GNAL: variants seen among roughly 807,000 people sequenced by gnomAD.
GNAL encodes guanine nucleotide-binding protein G(olf) subunit alpha.
Under a neutral mutation model 55.1 loss-of-function variants are expected in GNAL, and 18 were observed. The observed-to-expected ratio is 0.33, with a 90% CI of 0.23 to 0.48. GNAL has a LOEUF of 0.48. Among genes scored for constraint, GNAL ranks in the 20% least tolerant of loss-of-function variants. The probability of loss-of-function intolerance (pLI) is 0.99; values close to 1 mark genes in which losing one functional copy is unlikely to be tolerated. For synonymous variants in GNAL, 253 were observed against 237.0 expected (o/e 1.07, Z -0.62); for missense variants, 412 against 614.1 (o/e 0.67, Z 3.48).
At chr18:11,749,125 CAAAA>C (rs368135476) in intron 1 of GNAL, among the ~76,000 whole-genome samples, 5 of 86,544 alleles carry the variant, frequency 5.8e-5, no homozygotes, top group East Asian at 3.5e-4. Context: ...GACTCCATCT[CAAAA>C]AAAAAAAAAA....
At chr18:11,829,594 T>C (rs1393160546) in intron 5 of GNAL, among the ~76,000 whole-genome samples, 1 of 152,178 alleles carries the variant, frequency 6.6e-6, no homozygotes, top group African/African-American at 2.4e-5. Flanking sequence ...ACAGTCTGAG[T>C]GCAGTCCTCA....
chr18:11,817,522 G>A (rs2034986556), intron 4 of GNAL, among the ~76,000 whole-genome samples: 1 of 152,184 alleles, frequency 6.6e-6, no homozygotes, highest in African/African-American at 2.4e-5. Context: ...TGGCGATCAC[G>A]CTTCTTGCTA....
Position 11,752,198 on chromosome 18 carries a change from TA to T in GNAL, c.377-650del. 1 of 636,344 alleles carries T rather than the reference TA, an allele frequency of 1.6e-6. No homozygotes were observed. The highest frequency in any genetic ancestry group is 2.3e-6 in the Non-Finnish European group (1 of 428,632). The allele number at this position is 636,344 out of a possible 1,614,324, so 39.4% of individuals were successfully genotyped here. The stretch of plus-strand genomic sequence containing the variant: ...AGCAGATTTTGAAACAATTCTCGTG[TA>T]AAAAGGCATTTTACTCCGCGCGTCT... On this transcript the variant is annotated intron_variant, in intron 1 of 11. Transcript: ENST00000334049. The surrounding 1 kb of genome is among the most constrained non-coding windows in gnomAD (Gnocchi z 4.5).
In GNAL at chr18:11,854,790, GA is replaced by G. The variant is rs568877560; in HGVS notation, c.723-7594del. On this transcript the variant is annotated intron_variant, in intron 5 of 11. Coordinates refer to ENST00000334049, the MANE Select transcript of GNAL (RefSeq NM_182978.4). Reference sequence around the variant, plus strand: ...GGATGAAACTCAGTCTCAAAAAAAGGAAAAAAAAAAATTCTGAGGTAGATTT... The same window carrying G: ...GGATGAAACTCAGTCTCAAAAAAAGGAAAAAAAAAATTCTGAGGTAGATTT... Among the ~76,000 whole-genome samples the G allele has an allele frequency of 5.4e-3, 790 of 146,840 alleles. 8 individuals carry two copies. Among genetic ancestry groups the G allele is most frequent in the Non-Finnish European group, 6.8e-3 (449 of 66,216 alleles).
chr18:11,822,731 T>C (rs556714115), intron 4 of GNAL, among the ~76,000 whole-genome samples: 1 of 152,184 alleles, frequency 6.6e-6, no homozygotes, highest in South Asian at 2.1e-4. Context: ...GGTTGGGTAG[T>C]AGGGTGACCA....
At chr18:11,722,674 A>T (rs184099192) in intron 1 of GNAL, among the ~76,000 whole-genome samples, 2 of 152,264 alleles carry the variant, frequency 1.3e-5, no homozygotes, top group East Asian at 3.9e-4. Flanking sequence ...AGTGAGTTCG[A>T]GACCAGCCTA....
At chr18:11,704,555 G>A (rs1430026388) in intron 1 of GNAL, among the ~76,000 whole-genome samples, 1 of 152,154 alleles carries the variant, frequency 6.6e-6, no homozygotes, top group Non-Finnish European at 1.5e-5. Flanking sequence ...AGAGGGAGAG[G>A]AGCTCAGCTA....
At chr18:11,850,852 G>A (rs796197548) in intron 5 of GNAL, among the ~76,000 whole-genome samples, 39 of 152,316 alleles carry the variant, frequency 2.6e-4, no homozygotes, top group African/African-American at 9.4e-4. Context: ...GCAATAAAAG[G>A]ATATTACAGA....
chr18:11,694,505 G>C (rs533875705), intron 1 of GNAL, among the ~76,000 whole-genome samples: 1 of 152,186 alleles, frequency 6.6e-6, no homozygotes, highest in Admixed American at 6.5e-5. Context: ...GAAGCATGCC[G>C]TGGCTGGATT....
At chr18:11,717,675 A>G (rs2032005551) in intron 1 of GNAL, among the ~76,000 whole-genome samples, 1 of 152,218 alleles carries the variant, frequency 6.6e-6, no homozygotes, top group African/African-American at 2.4e-5. Context: ...CATTATCCTT[A>G]GCAAACTAAC....
intron 4 of GNAL, among the ~76,000 whole-genome samples, chr18:11,781,969 A>G (rs951751488): frequency 1.3e-5 from 2 of 152,252 alleles, no homozygotes; most frequent in Non-Finnish European, 2.9e-5. Context: ...AATGGCCACT[A>G]ACAAGACAAT....
chr18:11,690,015 A>AGCGGCGGCGGGCACCGGGGAGCGGCG (rs2031189547), intron 1 of GNAL, 76 bp downstream of exon 1: 1 of 893,932 alleles, frequency 1.1e-6, no homozygotes, highest in African/African-American at 2.0e-5. Context: ...GGCACCGGGG[A>AGCGGCGGCGGGCACCGGGGAGCGGCG]GCGGTGGCGG....
At chr18:11,827,103 C>T (rs9962623) in intron 5 of GNAL, among the ~76,000 whole-genome samples, 46,346 of 151,960 alleles carry the variant, frequency 0.3, 8,463 homozygotes, top group African/African-American at 0.51. Context: ...TTGTACTTAA[C>T]CTCCTTCTTA....
intron 5 of GNAL, among the ~76,000 whole-genome samples, chr18:11,858,649 T>C (rs1157332736): frequency 6.6e-6 from 1 of 152,256 alleles, no homozygotes; most frequent in Non-Finnish European, 1.5e-5. Context: ...TATTATTTAT[T>C]CCTTAGAAAG....
intron 4 of GNAL, among the ~76,000 whole-genome samples, chr18:11,763,376 G>T (rs1342398797): frequency 2.0e-5 from 3 of 152,028 alleles, no homozygotes; most frequent in Non-Finnish European, 4.4e-5. Context: ...CACAGCACAG[G>T]TATCAAAATT....
At chr18:11,880,893 C>A in intron 11 of GNAL, 96 bp from the exon 12 acceptor site, 1 of 1,310,692 alleles carries the variant, frequency 7.6e-7, no homozygotes, top group Non-Finnish European at 1.1e-6. Context: ...AGGCCACTGT[C>A]ACCAAAGCCT....
intron 5 of GNAL, among the ~76,000 whole-genome samples, chr18:11,833,905 G>A (rs1212105186): frequency 6.6e-6 from 1 of 152,174 alleles, no homozygotes; most frequent in East Asian, 1.9e-4. Flanking sequence ...CAAGTCCCCT[G>A]GTGAGGAGCC....
At chr18:11,829,624 C>T (rs1189200294) in intron 5 of GNAL, among the ~76,000 whole-genome samples, 3 of 152,204 alleles carry the variant, frequency 2.0e-5, no homozygotes, top group Non-Finnish European at 4.4e-5. Context: ...ACTCGTGTGT[C>T]TTGTTCAGCC....
intron 5 of GNAL, among the ~76,000 whole-genome samples, chr18:11,827,864 T>A (rs9952489): frequency 0.32 from 48,279 of 150,512 alleles, 9,518 homozygotes; most frequent in African/African-American, 0.56. Context: ...CCAGCTACTC[T>A]GGAGGCTGAG....
Sources: allele counts gnomAD v4.1 joint callset (sites outside exome capture counted in the v4.1 genomes callset), GRCh38; gene constraint gnomAD v4.1.1; non-coding constraint Gnocchi (gnomAD v3.1); transcripts MANE v1.5; gene names NCBI Gene and HGNC (gene_info 2026-07-23, HGNC 2026-07-21).